Variants in USP40 observed in about 807,000 individuals in gnomAD.
The protein encoded by USP40 is ubiquitin carboxyl-terminal hydrolase 40.
USP40 carries 143 observed loss-of-function variants against 166.2 expected under a neutral mutation model. The ratio of observed to expected loss-of-function variants is 0.86; its 90% CI spans 0.75 to 0.99. The LOEUF is 0.99. Ranked by LOEUF, USP40 falls within the 50% of genes least tolerant of loss-of-function variation. The pLI is 0.00. For synonymous variants in USP40, 498 were observed against 524.0 expected (o/e 0.95, Z 0.68); for missense variants, 1,444 against 1,479.7 (o/e 0.98, Z 0.40).
At chr2:233,491,423 G>A in intron 25 of USP40, 162 bp from the exon 26 acceptor site, 1 of 628,742 alleles carries the variant, frequency 1.6e-6, no homozygotes, top group Middle Eastern at 4.3e-4. Flanking sequence ...CAGGTAAGCA[G>A]GCAGGGACAT....
intron 21 of USP40, among the ~76,000 whole-genome samples, chr2:233,503,416 C>T (rs1207292499): frequency 3.3e-5 from 5 of 152,066 alleles, no homozygotes; most frequent in Non-Finnish European, 5.9e-5. Flanking sequence ...CATCCAGATC[C>T]AGAAAGCTCA....
intron 1 of USP40, 141 bp from the exon 2 acceptor site, chr2:233,565,714 G>A (rs2072083317): frequency 2.8e-6 from 2 of 710,878 alleles, no homozygotes; most frequent in East Asian, 2.7e-5. Flanking sequence ...GGGTTTTGGA[G>A]GCAGCAAGAT....
chr2:233,499,839 T>C (rs1216949959), intron 22 of USP40, 40 bp downstream of exon 22: 25 of 1,580,192 alleles, frequency 1.6e-5, no homozygotes, highest in Non-Finnish European at 2.1e-5. Context: ...AAATTTTTAT[T>C]AGGCTTTTAA....
At chr2:233,520,451 T>G (rs1485504217) in intron 17 of USP40, among the ~76,000 whole-genome samples, 2 of 152,034 alleles carry the variant, frequency 1.3e-5, no homozygotes, top group Non-Finnish European at 2.9e-5. Flanking sequence ...AAACCCATAA[T>G]GAATTGAGAC....
chr2:233,491,537 T>C (rs2065338313), intron 25 of USP40, among the ~76,000 whole-genome samples: 1 of 152,250 alleles, frequency 6.6e-6, no homozygotes. Context: ...GGGTAGGATA[T>C]GCTGGCTGCA....
At chr2:233,543,883 A>T (rs1168524454) in intron 8 of USP40, among the ~76,000 whole-genome samples, 1 of 152,244 alleles carries the variant, frequency 6.6e-6, no homozygotes, top group Non-Finnish European at 1.5e-5. Context: ...AGAGTTGGGG[A>T]GAGAAAGCCT....
rs1575264384 is a variant in USP40 at position 233,512,215 on chromosome 2, A to G, written c.2437+354T>C. On this transcript the variant is annotated intron_variant, in intron 19 of 31. Transcript: ENST00000678225. ...TGACTAAATTAAATCTAATGGTAAG[A>G]GGTGATACAGAGATGAGAACTGAAG... 6 of 189,700 alleles carry G rather than the reference A, an allele frequency of 3.2e-5. No individual in the cohort carries two copies. In the East Asian group the frequency reaches 8.4e-4, roughly 27 times the overall value. The allele number at this position is 189,700 out of a possible 1,614,324, so 11.8% of individuals were successfully genotyped here.
At chr2:233,481,862 C>T (rs1042238200) in intron 30 of USP40, among the ~76,000 whole-genome samples, 12 of 152,190 alleles carry the variant, frequency 7.9e-5, no homozygotes, top group Non-Finnish European at 1.0e-4. Flanking sequence ...GTTTTCCACA[C>T]GCATGTTATT....
chr2:233,563,238 A>G (rs913386223), intron 2 of USP40, among the ~76,000 whole-genome samples: 1 of 152,112 alleles, frequency 6.6e-6, no homozygotes, highest in African/African-American at 2.4e-5. Flanking sequence ...TTTTGGTGTG[A>G]AAATGTCTTT....
chr2:233,526,254 T>C (rs997358437), intron 13 of USP40, among the ~76,000 whole-genome samples: 2 of 152,214 alleles, frequency 1.3e-5, no homozygotes, highest in African/African-American at 4.8e-5. Context: ...TCTAAGAGAA[T>C]AGTTAGTAGG....
intron 8 of USP40, 22 bp downstream of exon 8, chr2:233,549,079 C>A: frequency 6.4e-7 from 1 of 1,574,784 alleles, no homozygotes; most frequent in Non-Finnish European, 8.6e-7. Context: ...AAAGATATTT[C>A]TAAACGAATT....
chr2:233,501,787 G>A (rs1182608737), intron 21 of USP40, among the ~76,000 whole-genome samples: 1 of 152,228 alleles, frequency 6.6e-6, no homozygotes, highest in African/African-American at 2.4e-5. Flanking sequence ...GGGAGAATAA[G>A]AAGAGCTTTA....
chr2:233,557,076 A>C (rs1441619058), intron 4 of USP40, 57 bp from the exon 5 acceptor site: 7 of 1,467,268 alleles, frequency 4.8e-6, no homozygotes, highest in Non-Finnish European at 6.5e-6. Flanking sequence ...TTAAAACATT[A>C]AAAAAACAAA....
At chr2:233,564,890 T>G (rs1221210241) in intron 2 of USP40, among the ~76,000 whole-genome samples, 3 of 152,076 alleles carry the variant, frequency 2.0e-5, no homozygotes, top group Non-Finnish European at 2.9e-5. Context: ...CAGATGAGGG[T>G]GTGAGCTTTC....
At position 233,494,494 on chromosome 2, in the gene USP40, G is replaced by C. The variant is rs79191491; in HGVS notation, c.2791-943C>G. Among the ~76,000 whole-genome samples, 871 of 152,150 alleles carry C rather than the reference G, an allele frequency of 5.7e-3. 10 individuals carry two copies. Among genetic ancestry groups the C allele is most frequent in the African/African-American group, 0.02 (815 of 41,500 alleles). ...ATTCTGATATACTAGTGCATGCATA[G>C]AAAGCCACATATGCAAGAATATTCT... On this transcript the variant is annotated intron_variant, in intron 24 of 31. Transcript: ENST00000678225.
At chr2:233,564,932 C>T (rs1347811710) in intron 2 of USP40, among the ~76,000 whole-genome samples, 7 of 152,122 alleles carry the variant, frequency 4.6e-5, no homozygotes, top group Non-Finnish European at 1.0e-4. Context: ...AACAACTGTG[C>T]ACCCATATAA....
rs762070958 is a variant in USP40 at position 233,489,377 on chromosome 2, C to T, written c.3119G>A (p.Arg1040Gln). 11 of 1,591,652 alleles carry T rather than the reference C, an allele frequency of 6.9e-6. No individual in the cohort carries two copies. The highest frequency in any genetic ancestry group is 1.7e-4 in the Middle Eastern group (1 of 6,006). The change falls in exon 27 of 32, where the codon CGG (arginine) becomes CAG (glutamine). Residue 1040 changes from arginine to glutamine, a missense_variant. Coordinates refer to ENST00000678225, the MANE Select transcript of USP40 (RefSeq NM_001365479.2). Reference protein sequence around the residue: ...KRPGRLLRTDRQPLREYKLGR... With the variant: ...KRPGRLLRTDQQPLREYKLGR... ...GCAAGGAACCTACCTGAGTGGCTGC[C>T]GGTCAGTTCGTAAAAGCCTGCCTGG...
chr2:233,520,801 G>A (rs1292785170), intron 17 of USP40, among the ~76,000 whole-genome samples, 190 bp downstream of exon 17: 1 of 152,090 alleles, frequency 6.6e-6, no homozygotes, highest in African/African-American at 2.4e-5. Flanking sequence ...TAAAAGGCAC[G>A]TATTTTCTTG....
At chr2:233,554,819 C>T (rs1423353835) in intron 5 of USP40, among the ~76,000 whole-genome samples, 6 of 152,128 alleles carry the variant, frequency 3.9e-5, no homozygotes, top group East Asian at 1.9e-4. Flanking sequence ...CAATAAGACA[C>T]GTATCTGAAT....
Sources: gnomAD v4.1 joint callset for allele counts (sites outside exome capture counted in the v4.1 genomes callset) on GRCh38, gnomAD v4.1.1 for gene constraint, MANE v1.5 for transcripts, NCBI Gene and HGNC (gene_info 2026-07-23, HGNC 2026-07-21) for gene names.